Variants in KLHL1 observed in about 807,000 individuals in gnomAD.
KLHL1 encodes the protein kelch like family member 1.
A neutral mutation model predicts 77.7 loss-of-function variants in KLHL1; 47 were observed. The ratio of observed to expected loss-of-function variants is 0.60; its 90% CI spans 0.48 to 0.77. The LOEUF (loss-of-function observed/expected upper bound fraction) is 0.77. KLHL1 is among the 30% of genes least tolerant of loss of function. The probability of loss-of-function intolerance (pLI) is 0.00; values close to 1 mark genes in which losing one functional copy is unlikely to be tolerated. For missense variants in KLHL1, 925 were observed against 910.8 expected, an observed-to-expected ratio of 1.02 and a Z score of -0.20; for synonymous variants, 360 against 325.2, an observed-to-expected ratio of 1.11 and a Z score of -1.15.
intron 1 of KLHL1, among the ~76,000 whole-genome samples, chr13:70,044,574 A>G (rs1886452169): frequency 1.3e-5 from 2 of 152,254 alleles, no homozygotes; most frequent in African/African-American, 2.4e-5. Context: ...ATACCAAGAT[A>G]CATGCCTTGG....
intron 1 of KLHL1, among the ~76,000 whole-genome samples, chr13:70,012,027 A>C (rs1489941553): frequency 1.3e-5 from 2 of 152,090 alleles, no homozygotes; most frequent in Non-Finnish European, 2.9e-5. Flanking sequence ...TCTTTATAAA[A>C]CCATCAGATC....
intron 7 of KLHL1, among the ~76,000 whole-genome samples, chr13:69,747,642 G>T (rs2137942008): frequency 6.6e-6 from 1 of 151,966 alleles, no homozygotes; most frequent in South Asian, 2.1e-4. Flanking sequence ...ATATAAAAAT[G>T]TTCAATAGAA....
chr13:69,722,370 A>G (rs1240298295), intron 8 of KLHL1, among the ~76,000 whole-genome samples: 1 of 152,006 alleles, frequency 6.6e-6, no homozygotes, highest in East Asian at 1.9e-4. Context: ...TACATTAAAA[A>G]GCAATGATGA....
intron 5 of KLHL1, among the ~76,000 whole-genome samples, chr13:69,842,559 G>A (rs959865559): frequency 6.6e-6 from 1 of 151,774 alleles, no homozygotes; most frequent in Non-Finnish European, 1.5e-5. Flanking sequence ...TGTGAATGAG[G>A]AGAAAATGAA....
intron 1 of KLHL1, among the ~76,000 whole-genome samples, chr13:70,096,059 C>A (rs1490384899): frequency 6.7e-6 from 1 of 148,400 alleles, no homozygotes; most frequent in Admixed American, 6.6e-5. Flanking sequence ...TGCTTTATTG[C>A]ATATATGTAC....
At chr13:69,860,850 T>C (rs1593896091) in intron 5 of KLHL1, among the ~76,000 whole-genome samples, 1 of 151,378 alleles carries the variant, frequency 6.6e-6, no homozygotes, top group Non-Finnish European at 1.5e-5. Flanking sequence ...TAGAATTACA[T>C]ATTTAAAAAA....
intron 6 of KLHL1, among the ~76,000 whole-genome samples, chr13:69,833,549 A>C (rs1053517609): frequency 6.6e-6 from 1 of 151,994 alleles, no homozygotes; most frequent in Non-Finnish European, 1.5e-5. Context: ...AACAGTATGG[A>C]GATTCCTTAA....
At chr13:69,996,137 T>C (rs1320811616) in intron 1 of KLHL1, among the ~76,000 whole-genome samples, 1 of 151,966 alleles carries the variant, frequency 6.6e-6, no homozygotes, top group East Asian at 1.9e-4. Context: ...ACCCTGTCTC[T>C]ACTAAAAATA....
chr13:69,771,472 A>T (rs1875561534), intron 7 of KLHL1, among the ~76,000 whole-genome samples: 1 of 152,120 alleles, frequency 6.6e-6, no homozygotes, highest in African/African-American at 2.4e-5. Context: ...AAATTTCTAG[A>T]TGTAAGGGCC....
At chr13:70,075,617 C>CGT (rs1555295405) in intron 1 of KLHL1, among the ~76,000 whole-genome samples, 1 of 122,672 alleles carries the variant, frequency 8.2e-6, no homozygotes, top group Admixed American at 8.3e-5. Context: ...ATAGGACTTA[C>CGT]ATATATATAT....
At chr13:69,794,043 G>A (rs766429472) in intron 7 of KLHL1, among the ~76,000 whole-genome samples, 1 of 152,058 alleles carries the variant, frequency 6.6e-6, no homozygotes, top group Non-Finnish European at 1.5e-5. Flanking sequence ...GCTTGAATGA[G>A]GAATTTTGAA....
chr13:69,955,848 T>C (rs9788409), intron 3 of KLHL1, among the ~76,000 whole-genome samples: 19,763 of 144,640 alleles, frequency 0.14, 2,248 homozygotes, highest in African/African-American at 0.29. Flanking sequence ...TTGCTCCATT[T>C]TTAAATGAGA....
intron 9 of KLHL1, among the ~76,000 whole-genome samples, chr13:69,711,741 AAG>A (rs1249123760): frequency 7.9e-5 from 12 of 152,076 alleles, no homozygotes; most frequent in African/African-American, 2.9e-4. Context: ...TTCTGGGTCA[AAG>A]AGAGTGTATA....
intron 7 of KLHL1, among the ~76,000 whole-genome samples, chr13:69,794,985 G>A (rs1188356336): frequency 2.0e-5 from 3 of 152,162 alleles, no homozygotes; most frequent in Non-Finnish European, 2.9e-5. Context: ...CTTTACATTG[G>A]AAGAGCAGCA....
chr13:69,810,614 C>T (rs891462911), intron 6 of KLHL1, among the ~76,000 whole-genome samples: 20 of 151,834 alleles, frequency 1.3e-4, no homozygotes, highest in Admixed American at 5.9e-4. Context: ...CCTAACCGAA[C>T]ATCCAAAGGA....
At chr13:69,782,365 T>G (rs1876268083) in intron 7 of KLHL1, among the ~76,000 whole-genome samples, 1 of 152,222 alleles carries the variant, frequency 6.6e-6, no homozygotes, top group Non-Finnish European at 1.5e-5. Context: ...GGGCAAGGCA[T>G]TGCCTCACTC....
intron 1 of KLHL1, among the ~76,000 whole-genome samples, chr13:70,017,554 C>T (rs944002532): frequency 6.6e-6 from 1 of 152,182 alleles, no homozygotes; most frequent in Non-Finnish European, 1.5e-5. Context: ...TGCTCCACAC[C>T]TGGATTGCCC....
At chr13:69,992,302 T>A (rs983999551) in intron 1 of KLHL1, among the ~76,000 whole-genome samples, 1 of 151,990 alleles carries the variant, frequency 6.6e-6, no homozygotes, top group Non-Finnish European at 1.5e-5. Flanking sequence ...GATAAACATA[T>A]TACAATCTCT....
intron 4 of KLHL1, among the ~76,000 whole-genome samples, chr13:69,907,701 G>A (rs972130021): frequency 6.6e-6 from 1 of 151,892 alleles, no homozygotes; most frequent in African/African-American, 2.4e-5. Context: ...GTTAAAGAGG[G>A]TTTTGGTGGA....
Sources: gnomAD v4.1 joint callset for allele counts (sites outside exome capture counted in the v4.1 genomes callset) on GRCh38, gnomAD v4.1.1 for gene constraint, MANE v1.5 for transcripts, NCBI Gene and HGNC (gene_info 2026-07-23, HGNC 2026-07-21) for gene names.